The following CYP4F11 variants were observed in gnomAD, a reference collection of about 807,000 sequenced individuals.
CYP4F11 encodes cytochrome P450 4F11.
In CYP4F11, 79 loss-of-function variants were observed where a neutral mutation model predicts 62.2. The ratio of observed to expected loss-of-function variants is 1.27; its 90% CI spans 1.06 to 1.53. The LOEUF (loss-of-function observed/expected upper bound fraction) is 1.53. CYP4F11 is among the 40% of genes most tolerant of loss of function. CYP4F11 has a pLI of 0.00. For synonymous variants in CYP4F11, 290 were observed against 263.7 expected, an observed-to-expected ratio of 1.10 and a Z score of -0.97; for missense variants, 777 against 680.5, an observed-to-expected ratio of 1.14 and a Z score of -1.58.
chr19:15,915,268 G>A lies in CYP4F11; in HGVS notation c.1116-373C>T, dbSNP rs141753886. Reference sequence around the variant, plus strand: ...TGCTCTTATTCATCATTGTATTAGCGATAGTAGCAAATGCAATTAGACAAG... The same window carrying A: ...TGCTCTTATTCATCATTGTATTAGCAATAGTAGCAAATGCAATTAGACAAG... On this transcript the variant is annotated intron_variant, in intron 8 of 11. Coordinates refer to ENST00000402119, the MANE Select transcript of CYP4F11 (RefSeq NM_021187.4). Among the ~76,000 whole-genome samples the A allele has an allele frequency of 3.4e-4, 52 of 152,294 alleles. No homozygotes were observed. In the South Asian group the frequency reaches 9.7e-3, roughly 29 times the overall value.
At chr19:15,914,409 C>T (rs748819911) in intron 10 of CYP4F11, 22 bp from the exon 11 acceptor site, 14 of 1,609,860 alleles carry the variant, frequency 8.7e-6, no homozygotes, top group South Asian at 3.3e-5. Context: ...ACCAAGAAGG[C>T]TTGCTGGGTG....
chr19:15,924,959 G>A, intron 4 of CYP4F11, 77 bp from the exon 5 acceptor site: 1 of 1,483,544 alleles, frequency 6.7e-7, no homozygotes, highest in Non-Finnish European at 9.0e-7. Flanking sequence ...CATCAAGATG[G>A]ACTCCCTGCA....
chr19:15,919,465 C>T, intron 8 of CYP4F11, among the ~76,000 whole-genome samples: 2 of 127,150 alleles, frequency 1.6e-5, no homozygotes, highest in South Asian at 5.0e-4. Context: ...AACGGATGGA[C>T]AGATGTATAG....
Position 15,921,983 on chromosome 19 carries a change from T to C in CYP4F11, c.1115+54A>G, listed in dbSNP as rs1351230290. 5.3e-6 allele frequency: 8 copies of C among 1,497,086 alleles called. No individual in the cohort carries two copies. In the East Asian group the frequency reaches 1.6e-4, roughly 30 times the overall value. The allele number at this position is 1,497,086 out of a possible 1,614,324, so 92.7% of individuals were successfully genotyped here. A position where few individuals can be genotyped will look rare whatever the true frequency, so the allele number is the denominator to read the frequency against. On this transcript the variant is annotated intron_variant, in intron 8 of 11. Transcript: ENST00000402119. ...AAAAAACTCCCTCCCTCTGCCCACC[T>C]GAGGAGCAGAACCAATGACAAAAGA...
Position 15,934,372 on chromosome 19 carries a change from G to A in CYP4F11, c.37C>T (p.Pro13Ser), listed in dbSNP as rs1201914549. ...AGCAGCCACGGGGATGCTGCCACGG[G>A]CCCGAGGCCCAGCCAGGACAGGCTC... ...QLSLSWLGLG[P>S]VAASPWLLLL... The change falls in exon 1 of 12, where the codon CCC (proline) becomes TCC (serine). Residue 13 changes from proline (P) to serine (S), a missense_variant. Transcript: ENST00000402119. The A allele has an allele frequency of 1.2e-6, 2 of 1,613,372 alleles. No homozygotes were observed. Among genetic ancestry groups the A allele is most frequent in the Non-Finnish European group, 1.7e-6 (2 of 1,179,686 alleles).
chr19:15,931,629 GGAAT>G (rs1568257556), intron 1 of CYP4F11, among the ~76,000 whole-genome samples: 3 of 69,370 alleles, frequency 4.3e-5, no homozygotes, highest in Non-Finnish European at 5.4e-5. Context: ...AGCGAGGAGA[GGAAT>G]GAGTGAGCGA....
chr19:15,913,787 C>G lies in CYP4F11; in HGVS notation c.1520G>C (p.Arg507Pro), dbSNP rs1356365095. 4 of 1,614,226 alleles carry G rather than the reference C, an allele frequency of 2.5e-6. No individual in the cohort carries two copies. Among genetic ancestry groups the G allele is most frequent in the Non-Finnish European group, 3.4e-6 (4 of 1,180,040 alleles). Reference sequence around the variant, plus strand: ...CCGCAGCCAAAGTCCACCCTCTGCGCGCAATATCAGCTCGGGTTTCCTGCG... The same window carrying G: ...CCGCAGCCAAAGTCCACCCTCTGCGGGCAATATCAGCTCGGGTTTCCTGCG... The part of the protein sequence containing the change: ...EPRRKPELIL[R>P]AEGGLWLRVE... The change falls in exon 12 of 12, where the codon CGC becomes CCC. Residue 507 changes from arginine (R) to proline (P), a missense_variant. Arg to Pro is a moderately radical substitution (Grantham distance 103). Coordinates refer to ENST00000402119, the MANE Select transcript of CYP4F11 (RefSeq NM_021187.4).
intron 1 of CYP4F11, among the ~76,000 whole-genome samples, chr19:15,931,569 G>GGAATGAGTGAGCGAGGAGAA (rs2145059540): frequency 8.4e-6 from 1 of 119,102 alleles, no homozygotes; most frequent in Non-Finnish European, 1.8e-5. Context: ...AGCGAGGAGA[G>GGAATGAGTGAGCGAGGAGAA]GAATGAGTGA....
intron 4 of CYP4F11, among the ~76,000 whole-genome samples, chr19:15,926,212 C>T (rs2089667790): frequency 6.6e-6 from 1 of 151,722 alleles, no homozygotes; most frequent in Non-Finnish European, 1.5e-5. Context: ...CCTTTCCTTC[C>T]ATGCACCGTA....
At chr19:15,919,401 AGGAT>A (rs1425035143) in intron 8 of CYP4F11, among the ~76,000 whole-genome samples, 2 of 144,504 alleles carry the variant, frequency 1.4e-5, no homozygotes, top group African/African-American at 5.2e-5. Flanking sequence ...GATAGGATAA[AGGAT>A]GGATGGACGG....
In CYP4F11 at chr19:15,928,580, A is replaced by G. The variant is rs957521601; in HGVS notation, c.343+877T>C. Among the ~76,000 whole-genome samples, 8 of 152,186 alleles carry G rather than the reference A, an allele frequency of 5.3e-5. No individual in the cohort carries two copies. The East Asian group carries it at 1.3e-3, about 26-fold the overall frequency. On this transcript the variant is annotated intron_variant, in intron 2 of 11. Coordinates refer to ENST00000402119, the MANE Select transcript of CYP4F11 (RefSeq NM_021187.4). ...GATTCTCTTTATTTGCTTAGACCAC[A>G]TGAGTCTGAGTTTCCATCACTCGCA...
rs2089537324 is a variant in CYP4F11 at position 15,912,490 on chromosome 19, A to G, written c.*1242T>C. On this transcript the variant is annotated 3_prime_UTR_variant, in exon 12 of 12. Coordinates refer to ENST00000402119, the MANE Select transcript of CYP4F11 (RefSeq NM_021187.4). Reference sequence around the variant, plus strand: ...AAGGCCAGAGTAACCGAGTGTAGCAAGGGAAGGAGATCAGCTACAGAAGAG... The same window carrying G: ...AAGGCCAGAGTAACCGAGTGTAGCAGGGGAAGGAGATCAGCTACAGAAGAG... 6.6e-6 allele frequency: 1 copy of G among 151,898 alleles called. No homozygotes were observed. Among genetic ancestry groups the G allele is most frequent in the Admixed American group, 6.6e-5 (1 of 15,240 alleles). 9.4% of individuals were successfully genotyped at this position (151,898 alleles called of 1,614,324 possible). A position where few individuals can be genotyped will look rare whatever the true frequency, so the allele number is the denominator to read the frequency against.
intron 4 of CYP4F11, 92 bp downstream of exon 4, chr19:15,927,120 T>A (rs1051665090): frequency 7.0e-7 from 1 of 1,422,446 alleles, no homozygotes; most frequent in African/African-American, 1.4e-5. Context: ...AAGAGCATTG[T>A]CCCCAAAGCA....
chr19:15,934,297 TCCAGG>T lies in CYP4F11; in HGVS notation c.107_111del (p.Ala36AspfsTer6). ...CGGCAGTTGTCATAGAAGGTGTAGG[TCCAGG>T]CCAGGACGCGGGCCAGGAGCCAGGA... On this transcript the variant is annotated frameshift_variant, in exon 1 of 12. Transcript: ENST00000402119. LOFTEE classifies it high-confidence loss of function. 1 of 1,613,498 alleles carries T rather than the reference TCCAGG, an allele frequency of 6.2e-7. No homozygotes were observed. The highest frequency in any genetic ancestry group is 8.5e-7 in the Non-Finnish European group (1 of 1,179,732).
intron 8 of CYP4F11, among the ~76,000 whole-genome samples, chr19:15,916,042 A>G (rs1321303066): frequency 1.3e-5 from 2 of 152,110 alleles, no homozygotes; most frequent in Non-Finnish European, 2.9e-5. Flanking sequence ...TAGCAACAAA[A>G]TATCTAAGGA....
In CYP4F11 at chr19:15,913,394, G is replaced by A. The variant is rs1300947438; in HGVS notation, c.*338C>T. 24 of 327,170 alleles carry A rather than the reference G, an allele frequency of 7.3e-5. No homozygotes were observed. Among genetic ancestry groups the A allele is most frequent in the African/African-American group, 2.0e-4 (9 of 45,914 alleles). 20.3% of individuals were successfully genotyped at this position (327,170 alleles called of 1,614,324 possible). ...GGATCTGCCCCTATGGTTGTTTCTC[G>A]CTGAATCAGAGTCTCAGTCTTGCTC... On this transcript the variant is annotated 3_prime_UTR_variant, in exon 12 of 12. Transcript: ENST00000402119.
chr19:15,913,917 CA>C lies in CYP4F11; in HGVS notation c.1398-9del, dbSNP rs2089559489. 3 of 1,607,592 alleles carry C rather than the reference CA, an allele frequency of 1.9e-6. No individual in the cohort carries two copies. Among genetic ancestry groups the C allele is most frequent in the Non-Finnish European group, 2.5e-6 (3 of 1,176,952 alleles). Reference sequence around the variant, plus strand: ...GCCTGCCCGATGCAGTTTCTGGGGGCAAAAGTGAGGGAATCTGACTGTGCCC... The same window carrying C: ...GCCTGCCCGATGCAGTTTCTGGGGGCAAAGTGAGGGAATCTGACTGTGCCC... On this transcript the variant is annotated splice_polypyrimidine_tract_variant and intron_variant, in intron 11 of 11. Transcript: ENST00000402119.
chr19:15,931,023 A>G (rs1229257629), intron 1 of CYP4F11, among the ~76,000 whole-genome samples: 1 of 152,162 alleles, frequency 6.6e-6, no homozygotes, highest in Non-Finnish European at 1.5e-5. Context: ...TGTCCCCCAA[A>G]TGGGAGAGCA....
chr19:15,928,387 G>A (rs1160686717), intron 2 of CYP4F11, among the ~76,000 whole-genome samples: 1 of 152,202 alleles, frequency 6.6e-6, no homozygotes, highest in Non-Finnish European at 1.5e-5. Flanking sequence ...TGGGCTTTCT[G>A]ATTGGAACTG....
Sources: gnomAD v4.1 joint callset for allele counts (sites outside exome capture counted in the v4.1 genomes callset) on GRCh38, gnomAD v4.1.1 for gene constraint, MANE v1.5 for transcripts, NCBI Gene and HGNC (gene_info 2026-07-23, HGNC 2026-07-21) for gene names.